Variants in MICU3 observed in about 807,000 individuals in gnomAD.
MICU3 encodes the protein calcium uptake protein 3, mitochondrial.
Under a neutral mutation model 66.5 loss-of-function variants are expected in MICU3, and 62 were observed. The observed-to-expected ratio is 0.93, with a 90% CI of 0.76 to 1.15. The LOEUF is 1.15. Among genes scored for constraint, MICU3 ranks in the 50% most tolerant of loss-of-function variants. MICU3 has a pLI of 0.00. For missense variants in MICU3, 779 were observed against 664.4 expected, an observed-to-expected ratio of 1.17 and a Z score of -1.90; for synonymous variants, 308 against 240.7, an observed-to-expected ratio of 1.28 and a Z score of -2.59.
chr8:17,050,282 G>A (rs1815837133), intron 1 of MICU3, among the ~76,000 whole-genome samples: 1 of 151,668 alleles, frequency 6.6e-6, no homozygotes, highest in South Asian at 2.1e-4. Flanking sequence ...ATATATTTTT[G>A]TGAATTTTAA....
chr8:17,114,261 T>G, intron 12 of MICU3, 60 bp downstream of exon 12: 1 of 1,105,542 alleles, frequency 9.0e-7, no homozygotes, highest in South Asian at 1.5e-5. Flanking sequence ...TTCTATAGAT[T>G]TTGGCAACCA....
At chr8:17,047,969 T>C (rs554550814) in intron 1 of MICU3, among the ~76,000 whole-genome samples, 1 of 152,218 alleles carries the variant, frequency 6.6e-6, no homozygotes, top group East Asian at 1.9e-4. Context: ...TACAATGAAG[T>C]GGATTTCAAA....
At chr8:17,089,495 A>G (rs145924796) in intron 7 of MICU3, among the ~76,000 whole-genome samples, 35 of 152,260 alleles carry the variant, frequency 2.3e-4, no homozygotes, top group Middle Eastern at 3.4e-3. Flanking sequence ...AGAAATGACA[A>G]TATGATTCCA....
intron 8 of MICU3, among the ~76,000 whole-genome samples, chr8:17,092,961 C>G (rs1293060189): frequency 6.6e-6 from 1 of 151,988 alleles, no homozygotes; most frequent in Non-Finnish European, 1.5e-5. Flanking sequence ...AAAGCAGTGA[C>G]CCGCTTGGCT....
chr8:17,037,025 G>T (rs879343639), intron 1 of MICU3, among the ~76,000 whole-genome samples: 9 of 152,196 alleles, frequency 5.9e-5, no homozygotes, highest in Non-Finnish European at 1.3e-4. Context: ...GCACTGCTGG[G>T]GGACCCAGTA....
At chr8:17,065,543 T>A (rs1818549866) in intron 2 of MICU3, among the ~76,000 whole-genome samples, 1 of 151,938 alleles carries the variant, frequency 6.6e-6, no homozygotes, top group African/African-American at 2.4e-5. Context: ...TTTGAAAGGA[T>A]GAGAAAAGGG....
At chr8:17,090,420 A>G in intron 7 of MICU3, 126 bp from the exon 8 acceptor site, 1 of 728,458 alleles carries the variant, frequency 1.4e-6, no homozygotes, top group Non-Finnish European at 2.3e-6. Flanking sequence ...GCTCTATATA[A>G]AATGTAGCAT....
chr8:17,038,829 T>C (rs1176326888), intron 1 of MICU3, among the ~76,000 whole-genome samples: 1 of 152,004 alleles, frequency 6.6e-6, no homozygotes, highest in African/African-American at 2.4e-5. Flanking sequence ...GGCAGTCGCC[T>C]GTAGTCCCAG....
chr8:17,138,001 C>T, the MICU3 span, among the ~76,000 whole-genome samples: 1 of 151,978 alleles, frequency 6.6e-6, no homozygotes, highest in Non-Finnish European at 1.5e-5. Context: ...AGGCATGAAC[C>T]ACCATGCCCA....
rs530553071 is a variant in MICU3 at position 17,114,842 on chromosome 8, G to T, written c.1366+641G>T. ...ACAAGCTTAAACCCCAGAGGAGGCC[G>T]GGCGCGGTGGCTCACGCCTGTAATC... On this transcript the variant is annotated intron_variant, in intron 12 of 14. Transcript: ENST00000318063. Among the ~76,000 whole-genome samples the T allele has an allele frequency of 2.0e-4, 31 of 152,076 alleles. No homozygotes were observed. In the South Asian group the frequency reaches 6.4e-3, roughly 32 times the overall value.
chr8:17,082,958 C>T (rs1821420776), intron 5 of MICU3, among the ~76,000 whole-genome samples: 1 of 152,050 alleles, frequency 6.6e-6, no homozygotes, highest in Middle Eastern at 3.2e-3. Context: ...TAGACTGAGC[C>T]AATTTATCAA....
intron 2 of MICU3, among the ~76,000 whole-genome samples, chr8:17,066,519 A>ATC (rs1326276809): frequency 1.7e-4 from 8 of 47,152 alleles, no homozygotes; most frequent in East Asian, 1.4e-3. Context: ...TTAATAATCT[A>ATC]TATATATATA....
intron 1 of MICU3, among the ~76,000 whole-genome samples, chr8:17,040,396 G>T (rs1813865137): frequency 6.6e-6 from 1 of 152,088 alleles, no homozygotes; most frequent in Non-Finnish European, 1.5e-5. Flanking sequence ...CCAAAATCTT[G>T]CTTATACAGA....
the MICU3 span, among the ~76,000 whole-genome samples, chr8:17,128,911 T>C: frequency 2.6e-5 from 4 of 152,334 alleles, no homozygotes; most frequent in East Asian, 3.9e-4. Context: ...TAAGTCTGAC[T>C]GAATACTAAG....
At chr8:17,040,097 G>A (rs183385078) in intron 1 of MICU3, among the ~76,000 whole-genome samples, 4 of 151,774 alleles carry the variant, frequency 2.6e-5, no homozygotes, top group South Asian at 2.1e-4. Context: ...TAGTAGAGAC[G>A]GGGTTTCTCC....
intron 8 of MICU3, among the ~76,000 whole-genome samples, chr8:17,093,392 G>A (rs1468202391): frequency 6.6e-6 from 1 of 151,702 alleles, no homozygotes; most frequent in Admixed American, 6.6e-5. Context: ...CTTTTTTATG[G>A]ACTAAAACAA....
At chr8:17,130,638 T>C in the MICU3 span, among the ~76,000 whole-genome samples, 6 of 152,346 alleles carry the variant, frequency 3.9e-5, no homozygotes, top group East Asian at 1.2e-3. Context: ...AGAAGTATAC[T>C]GTTGTAAGAT....
chr8:17,078,958 G>A (rs1234430582), intron 4 of MICU3, among the ~76,000 whole-genome samples: 1 of 152,046 alleles, frequency 6.6e-6, no homozygotes, highest in African/African-American at 2.4e-5. Context: ...AAGCTCATAA[G>A]GATCAAGTAA....
At chr8:17,117,516 C>G (rs1203881705) in intron 13 of MICU3, among the ~76,000 whole-genome samples, 1 of 151,156 alleles carries the variant, frequency 6.6e-6, no homozygotes, top group African/African-American at 2.4e-5. Context: ...ATGGATGTGC[C>G]ACAAATAGAA....
Sources: gnomAD v4.1 joint callset for allele counts (sites outside exome capture counted in the v4.1 genomes callset) on GRCh38, gnomAD v4.1.1 for gene constraint, MANE v1.5 for transcripts, NCBI Gene and HGNC (gene_info 2026-07-23, HGNC 2026-07-21) for gene names.